The following SEPHS1 variants were observed in gnomAD, a reference collection of about 807,000 sequenced individuals.
SEPHS1 encodes selenophosphate synthetase 1.
SEPHS1 carries 7 observed loss-of-function variants against 39.2 expected under a neutral mutation model. The observed-to-expected ratio is 0.18, with a 90% CI of 0.10 to 0.34. The LOEUF (loss-of-function observed/expected upper bound fraction) is 0.34. Among genes scored for constraint, SEPHS1 ranks in the 10% least tolerant of loss-of-function variants. SEPHS1 has a pLI of 1.00. For synonymous variants in SEPHS1, 190 were observed against 195.5 expected, an observed-to-expected ratio of 0.97 and a Z score of 0.23; for missense variants, 253 against 514.5, an observed-to-expected ratio of 0.49 and a Z score of 4.92.
Position 13,318,952 on chromosome 10 carries a change from T to C in SEPHS1, c.*190A>G. On this transcript the variant is annotated 3_prime_UTR_variant, in exon 9 of 9. Transcript: ENST00000327347. ...AGAAGCTGCCTCAAGATTAGGTGCA[T>C]CTTCAGTTAATGTAACAGGAAAAAA... The C allele has an allele frequency of 1.7e-6, 1 of 587,476 alleles. No individual in the cohort carries two copies. The highest frequency in any genetic ancestry group is 2.2e-5 in the South Asian group (1 of 45,264). 36.4% of individuals were successfully genotyped at this position (587,476 alleles called of 1,614,324 possible).
intron 1 of SEPHS1, chr10:13,345,462 CAGA>C (rs1279197590): frequency 1.3e-5 from 2 of 152,614 alleles, no homozygotes; most frequent in Non-Finnish European, 1.5e-5. Flanking sequence ...CTTTATCACA[CAGA>C]AGAATGAAAC....
chr10:13,322,445 C>T (rs1441003694), intron 8 of SEPHS1, among the ~76,000 whole-genome samples: 2 of 152,046 alleles, frequency 1.3e-5, no homozygotes, highest in South Asian at 2.1e-4. Context: ...CACACCTGGC[C>T]CCTTTTCTCT....
chr10:13,334,261 C>A (rs959626739), intron 4 of SEPHS1, among the ~76,000 whole-genome samples: 1 of 152,130 alleles, frequency 6.6e-6, no homozygotes, highest in Non-Finnish European at 1.5e-5. Flanking sequence ...TGCTGGGTGA[C>A]CGGGCACAGT....
At position 13,317,967 on chromosome 10, in the gene SEPHS1, A is replaced by G. The variant is rs1481788212; in HGVS notation, c.*1175T>C. 2.0e-5 allele frequency: 3 copies of G among 152,348 alleles called. No individual in the cohort carries two copies. Among genetic ancestry groups the G allele is most frequent in the South Asian group, 2.1e-4 (1 of 4,826 alleles). The allele number at this position is 152,348 out of a possible 1,614,324, so 9.4% of individuals were successfully genotyped here. A position where few individuals can be genotyped will look rare whatever the true frequency, so the allele number is the denominator to read the frequency against. ...AAAATATAGGTCCCATGAAAGACTT[A>G]AAAGTTTTATAAAACTAAAATCTAG... On this transcript the variant is annotated 3_prime_UTR_variant, in exon 9 of 9. Coordinates refer to ENST00000327347, the MANE Select transcript of SEPHS1 (RefSeq NM_012247.5).
Position 13,323,004 on chromosome 10 carries a change from G to A in SEPHS1, c.795C>T (p.Asp265=), listed in dbSNP as rs1833159671. The A allele has an allele frequency of 6.2e-7, 1 of 1,614,130 alleles. No individual in the cohort carries two copies. Among genetic ancestry groups the A allele is most frequent in the African/African-American group, 1.3e-5 (1 of 75,028 alleles). The change falls in exon 8 of 9, where the codon GAC becomes GAT. Residue 265 remains aspartate (D), a synonymous_variant. Coordinates refer to ENST00000327347, the MANE Select transcript of SEPHS1 (RefSeq NM_012247.5). Reference sequence around the variant, plus strand: ...GGCCCAAAATCCCGAAGCCCGTGATGTCAGTGGCGGCGTGGGCATTGAACG... The same window carrying A: ...GGCCCAAAATCCCGAAGCCCGTGATATCAGTGGCGGCGTGGGCATTGAACG... ...MHTFNAHAAT[D]ITGFGILGHA... is the part of the protein sequence containing the mutation.
chr10:13,326,084 C>G (rs945116812), intron 7 of SEPHS1, among the ~76,000 whole-genome samples: 3 of 151,918 alleles, frequency 2.0e-5, no homozygotes, highest in Non-Finnish European at 2.9e-5. Flanking sequence ...AGATCTGCAT[C>G]CAGAATAATT....
At chr10:13,335,338 T>C (rs1400261889) in intron 4 of SEPHS1, among the ~76,000 whole-genome samples, 6 of 152,184 alleles carry the variant, frequency 3.9e-5, no homozygotes, top group African/African-American at 1.2e-4. Context: ...TGATTCACAC[T>C]GAGGCACCAT....
chr10:13,330,286 C>T (rs1285361974), intron 5 of SEPHS1, among the ~76,000 whole-genome samples: 4 of 151,976 alleles, frequency 2.6e-5, no homozygotes, highest in African/African-American at 7.3e-5. Context: ...ATGCTAGAGA[C>T]TCAGGACGGA....
chr10:13,326,088 A>G (rs10906348), intron 7 of SEPHS1, among the ~76,000 whole-genome samples: 97,224 of 151,894 alleles, frequency 0.64, 31,416 homozygotes, highest in East Asian at 0.77. Flanking sequence ...CTGCATCCAG[A>G]ATAATTTTCT....
intron 4 of SEPHS1, among the ~76,000 whole-genome samples, chr10:13,334,906 T>TG (rs1833581496): frequency 6.6e-6 from 1 of 152,210 alleles, no homozygotes; most frequent in African/African-American, 2.4e-5. Flanking sequence ...ATCTCAAGAC[T>TG]GGCTTCCTAA....
At chr10:13,346,143 T>C (rs1833915640) in intron 1 of SEPHS1, among the ~76,000 whole-genome samples, 1 of 152,184 alleles carries the variant, frequency 6.6e-6, no homozygotes. Context: ...AATTAAGCCA[T>C]ACTAAATCAG....
Position 13,338,744 on chromosome 10 carries a change from T to C in SEPHS1, c.258A>G (p.Thr86=), listed in dbSNP as rs773754506. Residue 86 remains threonine (T), a synonymous_variant, in exon 3 of 9, where the codon ACA becomes ACG. Transcript: ENST00000327347. ...RHGGLSLVQT[T]DYIYPIVDDP... ...CGTCTACGATCGGGTAAATGTAATC[T>C]GTGGTTTGAACCAAGGAAAGCCCAC... The C allele has an allele frequency of 3.7e-6, 6 of 1,614,080 alleles. No homozygotes were observed. In the African/African-American group the frequency reaches 6.7e-5, roughly 18 times the overall value.
In SEPHS1 at chr10:13,339,526, C is replaced by A. The variant is rs1354173605; in HGVS notation, c.194-718G>T. On this transcript the variant is annotated intron_variant, in intron 2 of 8. Transcript: ENST00000327347. ...AATGCAGGCATTTTACAAACTCAGA[C>A]TAGCATTCCCACCAAGAAAGCTGAA... Among the ~76,000 whole-genome samples the A allele has an allele frequency of 2.6e-5, 4 of 152,096 alleles. No homozygotes were observed. The East Asian group carries it at 7.7e-4, about 29-fold the overall frequency.
chr10:13,340,107 CG>C (rs1160434696), intron 2 of SEPHS1, among the ~76,000 whole-genome samples: 12 of 151,980 alleles, frequency 7.9e-5, no homozygotes, highest in African/African-American at 2.9e-4. Context: ...TAATATTCTG[CG>C]TAAGTGAAAG....
rs757080625 is a variant in SEPHS1 at position 13,338,832 on chromosome 10, A to T, written c.194-24T>A. The stretch of plus-strand genomic sequence containing the variant: ...GCCTGTGGAGATGGAAGTCATTAGC[A>T]TCCAAAAATAAAACGGGAAAGCCAT... On this transcript the variant is annotated intron_variant, in intron 2 of 8. Coordinates refer to ENST00000327347, the MANE Select transcript of SEPHS1 (RefSeq NM_012247.5). 15 of 1,546,978 alleles carry T rather than the reference A, an allele frequency of 9.7e-6. No individual in the cohort carries two copies. In the South Asian group the frequency reaches 1.7e-4, roughly 17 times the overall value.
rs1256400771 is a variant in SEPHS1, at chr10:13,318,463, A to AGC, written c.*678_*679insGC. On this transcript the variant is annotated 3_prime_UTR_variant, in exon 9 of 9. Coordinates refer to ENST00000327347, the MANE Select transcript of SEPHS1 (RefSeq NM_012247.5). ...AAAAGTATCCTTTTTTGCTATCGAT[A>AGC]AAACAGTTAATGGTATTACTGTAAA... is the stretch of plus-strand genomic sequence containing the variant. The AGC allele has an allele frequency of 6.5e-6, 1 of 152,684 alleles. No homozygotes were observed. Among genetic ancestry groups the AGC allele is most frequent in the East Asian group, 1.9e-4 (1 of 5,206 alleles). The allele number at this position is 152,684 out of a possible 1,614,324, so 9.5% of individuals were successfully genotyped here. A position where few individuals can be genotyped will look rare whatever the true frequency, so the allele number is the denominator to read the frequency against.
In SEPHS1 at chr10:13,322,965, C is replaced by T. The variant is rs376717787; in HGVS notation, c.834G>A (p.Leu278=). 1 of 1,613,962 alleles carries T rather than the reference C, an allele frequency of 6.2e-7. No individual in the cohort carries two copies. The highest frequency in any genetic ancestry group is 1.3e-5 in the African/African-American group (1 of 74,888). The change falls in exon 8 of 9, where the codon CTG becomes CTA. Residue 278 remains leucine (L), a synonymous_variant. Coordinates refer to ENST00000327347, the MANE Select transcript of SEPHS1 (RefSeq NM_012247.5). ...GFGILGHAQN[L]AKQQRNEVSF... The stretch of plus-strand genomic sequence containing the variant: ...ACACCTCGTTCCTCTGCTGCTTGGC[C>T]AGGTTCTGCGCATGGCCCAAAATCC...
At chr10:13,333,235 G>A (rs767865317) in intron 5 of SEPHS1, among the ~76,000 whole-genome samples, 15 of 151,794 alleles carry the variant, frequency 9.9e-5, no homozygotes, top group Admixed American at 2.0e-4. Context: ...CTGGGTTCAA[G>A]TGATTCTCCT....
intron 7 of SEPHS1, among the ~76,000 whole-genome samples, chr10:13,323,828 C>T (rs1346938506): frequency 6.6e-6 from 1 of 151,324 alleles, no homozygotes; most frequent in East Asian, 1.9e-4. Context: ...TGCACTTGGG[C>T]TCAGGCAATC....
Sources: allele counts gnomAD v4.1 joint callset (sites outside exome capture counted in the v4.1 genomes callset), GRCh38; gene constraint gnomAD v4.1.1; transcripts MANE v1.5; gene names NCBI Gene and HGNC (gene_info 2026-07-23, HGNC 2026-07-21).